The following LUZP2 variants were observed in gnomAD, a reference collection of about 807,000 sequenced individuals.
The protein encoded by LUZP2 is leucine zipper protein 2.
LUZP2 carries 52 observed loss-of-function variants against 51.6 expected under a neutral mutation model. The ratio of observed to expected loss-of-function variants is 1.01; its 90% CI spans 0.81 to 1.27. LUZP2 has a LOEUF of 1.27. LUZP2 is among the 50% of genes most tolerant of loss of function. LUZP2 has a pLI of 0.00. For synonymous variants in LUZP2, 154 were observed against 137.3 expected (o/e 1.12, Z -0.85); for missense variants, 436 against 395.4 (o/e 1.10, Z -0.87).
At chr11:24,882,319 G>T (rs10834526) in intron 5 of LUZP2, among the ~76,000 whole-genome samples, 73,879 of 151,668 alleles carry the variant, frequency 0.49, 18,486 homozygotes, top group East Asian at 0.69. Context: ...GAAGTTTTAG[G>T]TTCACAGAAA....
chr11:24,908,174 A>G (rs1853515527), intron 6 of LUZP2, among the ~76,000 whole-genome samples: 1 of 152,210 alleles, frequency 6.6e-6, no homozygotes, highest in Non-Finnish European at 1.5e-5. Context: ...AACTGTCAGT[A>G]TTCATAGAAT....
intron 5 of LUZP2, among the ~76,000 whole-genome samples, chr11:24,858,109 A>G (rs1851626269): frequency 6.6e-6 from 1 of 152,112 alleles, no homozygotes; most frequent in South Asian, 2.1e-4. Flanking sequence ...GGGGAAGGAA[A>G]AAGCACAAAC....
rs538657400 is a variant in LUZP2, at chr11:24,664,191, G to A, written c.63-64978G>A. 2.6e-5 allele frequency among the ~76,000 whole-genome samples: 4 copies of A among 152,206 alleles called. No individual in the cohort carries two copies. In the East Asian group the frequency reaches 5.8e-4, roughly 22 times the overall value. On this transcript the variant is annotated intron_variant, in intron 1 of 11. Transcript: ENST00000336930. ...GAGACTTGGAGGGCTCAGAAGACAGGAAGATGTGGGAAAGTTGGGAACTTC... is the reference window on the plus strand; with the variant it reads ...GAGACTTGGAGGGCTCAGAAGACAGAAAGATGTGGGAAAGTTGGGAACTTC...
chr11:24,877,419 CT>C (rs1852307367), intron 5 of LUZP2, among the ~76,000 whole-genome samples: 1 of 41,074 alleles, frequency 2.4e-5, no homozygotes. Flanking sequence ...CTTTAAGACT[CT>C]CTTAAAAATA....
chr11:24,579,657 C>G lies in LUZP2; in HGVS notation c.62+82352C>G, dbSNP rs550265215. On this transcript the variant is annotated intron_variant, in intron 1 of 11. Transcript: ENST00000336930. ...ATGAATTGTAGTTCTTAATCCATGT[C>G]TGAAAGTCAATTGGTTCATATAATA... 4.6e-5 allele frequency among the ~76,000 whole-genome samples: 7 copies of G among 152,116 alleles called. No homozygotes were observed. In the South Asian group the frequency reaches 1.2e-3, roughly 27 times the overall value.
At chr11:24,866,967 A>G (rs1365366901) in intron 5 of LUZP2, among the ~76,000 whole-genome samples, 3 of 152,290 alleles carry the variant, frequency 2.0e-5, no homozygotes, top group Non-Finnish European at 4.4e-5. Context: ...TGCTAACGGC[A>G]TCCATTCCAG....
chr11:24,641,717 TA>T (rs1334718327), intron 1 of LUZP2, among the ~76,000 whole-genome samples: 1 of 151,910 alleles, frequency 6.6e-6, no homozygotes, highest in Non-Finnish European at 1.5e-5. Context: ...ATGCCATAAG[TA>T]GTATCATTCA....
intron 9 of LUZP2, among the ~76,000 whole-genome samples, chr11:25,028,935 G>T (rs998041225): frequency 3.3e-5 from 5 of 152,032 alleles, no homozygotes; most frequent in African/African-American, 1.2e-4. Flanking sequence ...TAAACAAAAG[G>T]CAACAAAGAA....
chr11:24,686,982 C>T (rs550145943), intron 1 of LUZP2, among the ~76,000 whole-genome samples: 6 of 152,008 alleles, frequency 3.9e-5, no homozygotes, highest in Non-Finnish European at 7.4e-5. Flanking sequence ...TGCCCCAAGG[C>T]GACCAGCAGT....
chr11:24,584,018 G>C (rs1425451296), intron 1 of LUZP2, among the ~76,000 whole-genome samples: 1 of 151,784 alleles, frequency 6.6e-6, no homozygotes, highest in Non-Finnish European at 1.5e-5. Flanking sequence ...GACCTACCTT[G>C]CTTTTAAATT....
intron 1 of LUZP2, among the ~76,000 whole-genome samples, chr11:24,613,693 C>G (rs1207649453): frequency 6.6e-6 from 1 of 151,534 alleles, no homozygotes; most frequent in Admixed American, 6.6e-5. Flanking sequence ...ACAATAAGTA[C>G]TAGTGACTTA....
At chr11:24,989,982 T>A (rs1211430341) in intron 9 of LUZP2, among the ~76,000 whole-genome samples, 1 of 152,156 alleles carries the variant, frequency 6.6e-6, no homozygotes, top group East Asian at 1.9e-4. Flanking sequence ...AATTGTCATC[T>A]GTCTCCATTT....
At chr11:24,895,810 G>A (rs1853024063) in intron 5 of LUZP2, among the ~76,000 whole-genome samples, 1 of 152,224 alleles carries the variant, frequency 6.6e-6, no homozygotes. Flanking sequence ...GAGTGCATGT[G>A]TCTTTTGGTA....
At chr11:25,057,035 G>T (rs934396091) in intron 10 of LUZP2, among the ~76,000 whole-genome samples, 1 of 152,132 alleles carries the variant, frequency 6.6e-6, no homozygotes, top group Non-Finnish European at 1.5e-5. Flanking sequence ...GGGAGGCAGA[G>T]GTTGCAGTCA....
At chr11:24,567,714 A>G (rs1852289969) in intron 1 of LUZP2, among the ~76,000 whole-genome samples, 1 of 152,152 alleles carries the variant, frequency 6.6e-6, no homozygotes, top group Admixed American at 6.6e-5. Context: ...AGTACTCTCA[A>G]ATAAGAATCT....
intron 7 of LUZP2, among the ~76,000 whole-genome samples, chr11:24,963,362 C>G (rs1232992121): frequency 1.3e-5 from 2 of 152,160 alleles, no homozygotes; most frequent in African/African-American, 2.4e-5. Flanking sequence ...TGCCCTGCCC[C>G]CAGAGGTGGA....
chr11:25,069,411 T>A (rs1279007152), intron 10 of LUZP2, among the ~76,000 whole-genome samples: 1 of 151,908 alleles, frequency 6.6e-6, no homozygotes, highest in East Asian at 1.9e-4. Flanking sequence ...AATTTCAGCA[T>A]CTGGTACATA....
At chr11:25,030,536 A>G (rs1323639022) in intron 9 of LUZP2, among the ~76,000 whole-genome samples, 3 of 151,962 alleles carry the variant, frequency 2.0e-5, no homozygotes, top group Non-Finnish European at 2.9e-5. Flanking sequence ...ATTTATTTAT[A>G]TAAATATTGT....
intron 1 of LUZP2, among the ~76,000 whole-genome samples, chr11:24,507,803 C>A (rs1223618972): frequency 6.6e-6 from 1 of 151,942 alleles, no homozygotes; most frequent in East Asian, 1.9e-4. Context: ...TTTTGATCAT[C>A]TTCTCCCTAC....
Sources: gnomAD v4.1 joint callset for allele counts (sites outside exome capture counted in the v4.1 genomes callset) on GRCh38, gnomAD v4.1.1 for gene constraint, MANE v1.5 for transcripts, NCBI Gene and HGNC (gene_info 2026-07-23, HGNC 2026-07-21) for gene names.